Variants in TBX20 observed in about 807,000 individuals in gnomAD.
TBX20 encodes the protein T-box transcription factor TBX20.
In TBX20, 8 loss-of-function variants were observed where a neutral mutation model predicts 42.9. That is an observed-to-expected ratio of 0.19 (90% CI 0.11 to 0.34). TBX20 has a LOEUF of 0.34. Ranked by LOEUF, TBX20 falls within the 10% of genes least tolerant of loss-of-function variation. The pLI is 1.00. For missense variants in TBX20, 411 were observed against 566.0 expected, an observed-to-expected ratio of 0.73 and a Z score of 2.78; for synonymous variants, 198 against 222.8, an observed-to-expected ratio of 0.89 and a Z score of 0.99.
intron 1 of TBX20, among the ~76,000 whole-genome samples, chr7:35,251,242 C>T (rs976488897): frequency 1.3e-5 from 2 of 152,140 alleles, no homozygotes; most frequent in African/African-American, 4.8e-5. Flanking sequence ...TCTTAAGTGC[C>T]CTCAAGAAAT....
In TBX20 at chr7:35,241,059, T is replaced by C. The variant is rs1345889621; in HGVS notation, c.655-22A>G. 2.5e-5 allele frequency: 40 copies of C among 1,610,592 alleles called. No individual in the cohort carries two copies. In the Admixed American group the frequency reaches 5.5e-4, roughly 22 times the overall value. Reference sequence around the variant, plus strand: ...TTATCTACAACAAAAAGATGGGAAGTACTGAATTTTACATACTTATACTGC... The same window carrying C: ...TTATCTACAACAAAAAGATGGGAAGCACTGAATTTTACATACTTATACTGC... On this transcript the variant is annotated intron_variant, in intron 4 of 7. Transcript: ENST00000408931.
At chr7:35,203,470 C>T (rs1789341722) in intron 7 of TBX20, among the ~76,000 whole-genome samples, 1 of 151,708 alleles carries the variant, frequency 6.6e-6, no homozygotes, top group African/African-American at 2.4e-5. Flanking sequence ...AGGATGAAGA[C>T]CTTTATGATG....
Position 35,202,544 on chromosome 7 carries a change from G to A in TBX20, c.1230C>T (p.Gly410=). The change falls in exon 8 of 8, where the codon GGC becomes GGT. Residue 410 remains glycine (G), a synonymous_variant. Coordinates refer to ENST00000408931, the MANE Select transcript of TBX20 (RefSeq NM_001077653.2). ...GCATGTGGAATGAAGGGAATGTGGGGCCACTCCCTTGCATGGAGCTGGCAA... is the reference window on the plus strand; with the variant it reads ...GCATGTGGAATGAAGGGAATGTGGGACCACTCCCTTGCATGGAGCTGGCAA... ...SAIASSMQGS[G]PTFPSFHMPR... is the part of the protein sequence containing the mutation. 2.5e-6 allele frequency: 4 copies of A among 1,613,894 alleles called. No individual in the cohort carries two copies. The highest frequency in any genetic ancestry group is 2.5e-6 in the Non-Finnish European group (3 of 1,179,924).
At chr7:35,210,873 C>T (rs1361686960) in intron 6 of TBX20, among the ~76,000 whole-genome samples, 2 of 152,092 alleles carry the variant, frequency 1.3e-5, no homozygotes, top group African/African-American at 4.8e-5. Flanking sequence ...ATGTGTAGTG[C>T]ATTTATATTT....
chr7:35,250,821 G>A (rs184474347), intron 1 of TBX20, among the ~76,000 whole-genome samples: 96 of 152,322 alleles, frequency 6.3e-4, no homozygotes, highest in African/African-American at 2.2e-3. Context: ...TATGATGAGA[G>A]TTAGAACATT....
chr7:35,210,708 C>T (rs1789483104), intron 6 of TBX20, among the ~76,000 whole-genome samples: 1 of 152,096 alleles, frequency 6.6e-6, no homozygotes, highest in African/African-American at 2.4e-5. Context: ...GATATTAATA[C>T]AACTCTTAAG....
chr7:35,215,260 TC>T (rs1562558599), intron 6 of TBX20, among the ~76,000 whole-genome samples: 1 of 152,212 alleles, frequency 6.6e-6, no homozygotes, highest in Non-Finnish European at 1.5e-5. Flanking sequence ...CAATGGCAGT[TC>T]TTATATAAAG....
At chr7:35,211,831 T>C (rs1789502295) in intron 6 of TBX20, among the ~76,000 whole-genome samples, 1 of 152,202 alleles carries the variant, frequency 6.6e-6, no homozygotes, top group Admixed American at 6.5e-5. Context: ...GTAATACGTC[T>C]ATCATTCTCT....
intron 6 of TBX20, among the ~76,000 whole-genome samples, chr7:35,216,066 A>G (rs530081502): frequency 5.9e-4 from 90 of 152,236 alleles, no homozygotes; most frequent in African/African-American, 1.9e-3. Context: ...GATTGATGGC[A>G]ATTATACGTT....
chr7:35,212,871 A>T (rs561512710), intron 6 of TBX20, among the ~76,000 whole-genome samples: 175 of 152,284 alleles, frequency 1.1e-3, no homozygotes, highest in Admixed American at 1.8e-3. Flanking sequence ...CTCAAAAGGG[A>T]TCCTCTATAA....
At chr7:35,208,204 C>A (rs1022210238) in intron 6 of TBX20, among the ~76,000 whole-genome samples, 1 of 152,088 alleles carries the variant, frequency 6.6e-6, no homozygotes, top group African/African-American at 2.4e-5. Context: ...TTTTTAACTT[C>A]AATTTCTGAT....
chr7:35,247,853 T>C (rs1208481210), intron 3 of TBX20, among the ~76,000 whole-genome samples: 1 of 152,254 alleles, frequency 6.6e-6, no homozygotes, highest in Non-Finnish European at 1.5e-5. Flanking sequence ...TTTTGTTTTG[T>C]ATTAAAGTAG....
intron 6 of TBX20, among the ~76,000 whole-genome samples, chr7:35,207,951 T>A (rs1356040981): frequency 2.0e-5 from 3 of 152,200 alleles, no homozygotes. Flanking sequence ...AAATTTAATA[T>A]TACTTTGTCA....
intron 6 of TBX20, among the ~76,000 whole-genome samples, chr7:35,221,125 T>C (rs1789675023): frequency 6.6e-6 from 1 of 152,008 alleles, no homozygotes; most frequent in Non-Finnish European, 1.5e-5. Context: ...AACATATGTT[T>C]ACATTAACTT....
intron 6 of TBX20, among the ~76,000 whole-genome samples, chr7:35,210,276 G>C (rs939830811): frequency 2.0e-5 from 3 of 151,688 alleles, no homozygotes. Context: ...CACCACGCCT[G>C]GCTAATTTTT....
intron 5 of TBX20, among the ~76,000 whole-genome samples, chr7:35,236,032 T>C (rs1789958549): frequency 6.6e-6 from 1 of 152,132 alleles, no homozygotes; most frequent in Non-Finnish European, 1.5e-5. Flanking sequence ...ATAAAATAGT[T>C]TGTTGAAAGT....
rs559898323 is a variant in TBX20, at chr7:35,218,355, C to G, written c.890+13149G>C. 6.3e-3 allele frequency among the ~76,000 whole-genome samples: 955 copies of G among 152,184 alleles called. 10 individuals carry two copies. The highest frequency in any genetic ancestry group is 7.2e-3 in the Non-Finnish European group (487 of 68,002). On this transcript the variant is annotated intron_variant, in intron 6 of 7. Coordinates refer to ENST00000408931, the MANE Select transcript of TBX20 (RefSeq NM_001077653.2). ...TACTAGTTGCAAAAAACCCTGAGTT[C>G]TAGCCCCAGGTCTTCTACTATTCGT...
In TBX20 at chr7:35,231,611, A is replaced by G. The variant is rs765125139; in HGVS notation, c.814-31T>C. On this transcript the variant is annotated intron_variant, in intron 5 of 7. Coordinates refer to ENST00000408931, the MANE Select transcript of TBX20 (RefSeq NM_001077653.2). ...GAAAGAATGGGTACAAAACAGTATC[A>G]TTTATGAGGTCAAGGAAGTAAAATC... 6 of 1,402,288 alleles carry G rather than the reference A, an allele frequency of 4.3e-6. No individual in the cohort carries two copies. The Admixed American group carries it at 6.7e-5, about 16-fold the overall frequency. 86.9% of individuals were successfully genotyped at this position (1,402,288 alleles called of 1,614,324 possible).
chr7:35,206,976 C>T (rs1789410828), intron 6 of TBX20, among the ~76,000 whole-genome samples: 1 of 152,116 alleles, frequency 6.6e-6, no homozygotes, highest in Non-Finnish European at 1.5e-5. Flanking sequence ...AGCTGCTACA[C>T]ATATTCATGC....
Sources: allele counts gnomAD v4.1 joint callset (sites outside exome capture counted in the v4.1 genomes callset), GRCh38; gene constraint gnomAD v4.1.1; transcripts MANE v1.5; gene names NCBI Gene and HGNC (gene_info 2026-07-23, HGNC 2026-07-21).